HTR2C: variants seen among roughly 807,000 people sequenced by gnomAD.
The protein encoded by HTR2C is 5-hydroxytryptamine (serotonin) receptor 2C, G protein-coupled.
In HTR2C, 5 loss-of-function variants were observed where a neutral mutation model predicts 21.0. The ratio of observed to expected loss-of-function variants is 0.24; its 90% CI spans 0.12 to 0.50. The LOEUF is 0.50. Ranked by LOEUF, HTR2C falls within the 20% of genes least tolerant of loss-of-function variation. The pLI is 0.98. For synonymous variants in HTR2C, 150 were observed against 145.3 expected (o/e 1.03, Z -0.23); for missense variants, 271 against 371.2 (o/e 0.73, Z 2.22).
intron 2 of HTR2C, among the ~76,000 whole-genome samples, chrX:114,670,036 T>G (rs1240310889): frequency 2.7e-5 from 3 of 111,030 alleles, no homozygotes; most frequent in African/African-American, 9.8e-5. Flanking sequence ...GTGAGGAGTT[T>G]GAGACCAGCC....
intron 4 of HTR2C, among the ~76,000 whole-genome samples, chrX:114,806,649 CCA>C (rs1556449969): frequency 3.2e-5 from 3 of 94,658 alleles, no homozygotes; most frequent in African/African-American, 1.2e-4. Context: ...ACTATATATA[CCA>C]TATATATACA....
At chrX:114,780,377 C>T (rs1177670505) in intron 4 of HTR2C, among the ~76,000 whole-genome samples, 8 of 111,505 alleles carry the variant, frequency 7.2e-5, no homozygotes, top group Non-Finnish European at 1.5e-4. Flanking sequence ...CAGATGTGGG[C>T]AGCTCAGGAC....
In HTR2C at chrX:114,907,423, C is replaced by T. The variant is rs202137811; in HGVS notation, c.*8C>T. Reference sequence around the variant, plus strand: ...AGGATTAGCAGTGTGTGAGAAAGAACAGCACAGTCTTTTCCTACGGTACAA... The same window carrying T: ...AGGATTAGCAGTGTGTGAGAAAGAATAGCACAGTCTTTTCCTACGGTACAA... On this transcript the variant is annotated 3_prime_UTR_variant, in exon 6 of 6. Coordinates refer to ENST00000276198, the MANE Select transcript of HTR2C (RefSeq NM_000868.4). 4 of 1,151,698 alleles carry T rather than the reference C, an allele frequency of 3.5e-6. No homozygotes were observed. The African/African-American group carries it at 5.3e-5, about 15-fold the overall frequency. 94.9% of individuals were successfully genotyped at this position (1,151,698 alleles called of 1,213,427 possible).
At chrX:114,703,881 C>A (rs1422659345) in intron 2 of HTR2C, among the ~76,000 whole-genome samples, 1 of 109,952 alleles carries the variant, frequency 9.1e-6, no homozygotes, top group Non-Finnish European at 1.9e-5. Flanking sequence ...GGGGATATCA[C>A]CACTGATCCC....
At position 114,906,897 on chromosome X, in the gene HTR2C, C is replaced by T. The variant is rs781954366; in HGVS notation, c.859C>T (p.Arg287Cys). ...SANPNQDQNA[R>C]RRKKKERRPR... The stretch of plus-strand genomic sequence containing the variant: ...AAACCCTAACCAAGACCAGAACGCA[C>T]GCCGAAGAAAGAAGAAGGAGAGACG... Residue 287 changes from arginine to cysteine, a missense_variant, in exon 6 of 6, where the codon CGC (arginine) becomes TGC (cysteine). Arg to Cys is a radical substitution (Grantham distance 180). This residue lies in a region of HTR2C where 192 missense variants were observed against 247.2 expected (regional missense o/e 0.78). Transcript: ENST00000276198. 1.7e-6 allele frequency: 2 copies of T among 1,210,645 alleles called. No homozygotes were observed. The highest frequency in any genetic ancestry group is 2.2e-5 in the Admixed American group (1 of 45,883).
chrX:114,674,133 C>G (rs781885281), intron 2 of HTR2C, among the ~76,000 whole-genome samples: 17 of 112,174 alleles, frequency 1.5e-4, no homozygotes, highest in Non-Finnish European at 2.3e-4. Flanking sequence ...GTTGATTAAA[C>G]GTCCAGACTC....
At chrX:114,638,615 A>G (rs1443376860) in intron 2 of HTR2C, among the ~76,000 whole-genome samples, 7 of 104,649 alleles carry the variant, frequency 6.7e-5, no homozygotes, top group Admixed American at 1.0e-4. Flanking sequence ...ATGCTGGTGC[A>G]CTGCACCCAC....
intron 2 of HTR2C, among the ~76,000 whole-genome samples, chrX:114,644,366 T>TAA (rs1930269379): frequency 4.6e-3 from 136 of 29,459 alleles, no homozygotes; most frequent in Middle Eastern, 0.029. Context: ...TAAATAAATA[T>TAA]ATATATATAT....
chrX:114,654,818 G>A (rs1172352328), intron 2 of HTR2C, among the ~76,000 whole-genome samples: 1 of 110,640 alleles, frequency 9.0e-6, no homozygotes, highest in Non-Finnish European at 1.9e-5. Context: ...AGGTAGAGGA[G>A]TCAGTCAGGG....
At chrX:114,899,763 C>T (rs973044873) in intron 5 of HTR2C, among the ~76,000 whole-genome samples, 15 of 107,534 alleles carry the variant, frequency 1.4e-4, no homozygotes, top group Non-Finnish European at 2.6e-4. Context: ...TATTCACTCA[C>T]GCCTTTTGTT....
At chrX:114,857,496 C>CATA (rs1459870511) in intron 5 of HTR2C, among the ~76,000 whole-genome samples, 2 of 111,241 alleles carry the variant, frequency 1.8e-5, no homozygotes, top group South Asian at 3.7e-4. Context: ...CCTACTGACT[C>CATA]ATAATGTTGG....
At chrX:114,843,671 C>G (rs182361783) in intron 4 of HTR2C, among the ~76,000 whole-genome samples, 2 of 111,397 alleles carry the variant, frequency 1.8e-5, no homozygotes, top group Non-Finnish European at 3.8e-5. Context: ...ATATCCAAAC[C>G]AAGGTGCAGT....
chrX:114,707,326 TGAGAG>T (rs1446405721), intron 2 of HTR2C, among the ~76,000 whole-genome samples: 1 of 110,821 alleles, frequency 9.0e-6, no homozygotes, highest in Non-Finnish European at 1.9e-5. Flanking sequence ...GAGAAAGAGG[TGAGAG>T]GATGGCTTGA....
chrX:114,814,659 G>A (rs994810691), intron 4 of HTR2C, among the ~76,000 whole-genome samples: 4 of 106,495 alleles, frequency 3.8e-5, no homozygotes, highest in Non-Finnish European at 5.8e-5. Flanking sequence ...ATGGAACCAT[G>A]CATTATTCAA....
At chrX:114,893,209 C>A (rs1556483162) in intron 5 of HTR2C, among the ~76,000 whole-genome samples, 1 of 110,469 alleles carries the variant, frequency 9.1e-6, no homozygotes, top group East Asian at 2.8e-4. Flanking sequence ...CCACTGTGCC[C>A]AGCCTGATTT....
At chrX:114,846,540 T>C (rs1257247907) in intron 4 of HTR2C, among the ~76,000 whole-genome samples, 2 of 112,128 alleles carry the variant, frequency 1.8e-5, no homozygotes, top group Non-Finnish European at 3.8e-5. Context: ...ATCACATTAA[T>C]AGAATGAAGG....
At chrX:114,836,504 A>G (rs1556463996) in intron 4 of HTR2C, among the ~76,000 whole-genome samples, 1 of 112,072 alleles carries the variant, frequency 8.9e-6, no homozygotes, top group African/African-American at 3.2e-5. Context: ...TTGACTCAGA[A>G]AGGGAACTCC....
At chrX:114,874,302 G>T (rs1472725379) in intron 5 of HTR2C, among the ~76,000 whole-genome samples, 1 of 111,282 alleles carries the variant, frequency 9.0e-6, no homozygotes, top group East Asian at 2.8e-4. Flanking sequence ...TATATATCCC[G>T]TAGTGGGATT....
chrX:114,688,793 G>A (rs1247216541), intron 2 of HTR2C, among the ~76,000 whole-genome samples: 2 of 110,591 alleles, frequency 1.8e-5, no homozygotes, highest in Non-Finnish European at 3.8e-5. Flanking sequence ...AGAGAAAACT[G>A]AGAAAATTTG....
Sources: gnomAD v4.1 joint callset for allele counts (sites outside exome capture counted in the v4.1 genomes callset) on GRCh38, gnomAD v4.1.1 for gene constraint, gnomAD v4.1.1 regional missense constraint, MANE v1.5 for transcripts, NCBI Gene and HGNC (gene_info 2026-07-23, HGNC 2026-07-21) for gene names.